Variants in NSMCE1 observed in about 807,000 individuals in gnomAD.
NSMCE1 encodes the protein non-structural maintenance of chromosomes element 1 homolog.
NSMCE1 carries 18 observed loss-of-function variants against 29.6 expected under a neutral mutation model. That is an observed-to-expected ratio of 0.61 (90% confidence interval 0.42 to 0.90). NSMCE1 has a LOEUF of 0.90. NSMCE1 is among the 40% of genes least tolerant of loss of function. NSMCE1 has a pLI of 0.00. For synonymous variants in NSMCE1, 124 were observed against 133.4 expected, an observed-to-expected ratio of 0.93 and a Z score of 0.49; for missense variants, 314 against 343.6, an observed-to-expected ratio of 0.91 and a Z score of 0.68.
In NSMCE1 at chr16:27,225,064, G is replaced by A. The variant is rs1164190226; in HGVS notation, c.*93C>T. 9.7e-6 allele frequency: 7 copies of A among 722,654 alleles called. No individual in the cohort carries two copies. Among genetic ancestry groups the A allele is most frequent in the African/African-American group, 1.8e-5 (1 of 56,800 alleles). The allele number at this position is 722,654 out of a possible 1,614,324, so 44.8% of individuals were successfully genotyped here. On this transcript the variant is annotated 3_prime_UTR_variant, in exon 8 of 8. Transcript: ENST00000361439. ...AACATTAAGACGAAAGAGGTGACTC[G>A]CGTGGAACCTGAAACACGGACGCCT...
intron 5 of NSMCE1, among the ~76,000 whole-genome samples, chr16:27,228,326 A>G (rs74016038): frequency 0.3 from 45,536 of 151,994 alleles, 7,244 homozygotes; most frequent in East Asian, 0.47. Context: ...CCTGCACCGC[A>G]GCTGTTGCTG....
chr16:27,225,152 G>A lies in NSMCE1; in HGVS notation c.*5C>T, dbSNP rs369629311. The A allele has an allele frequency of 4.2e-5, 66 of 1,578,816 alleles. No individual in the cohort carries two copies. The African/African-American group carries it at 6.3e-4, about 15-fold the overall frequency. ...GGCAGCCAGCCCCTCAGCAGGGCAC[G>A]ATGGCTAATGCTGCCTGGACCGCAG... On this transcript the variant is annotated 3_prime_UTR_variant, in exon 8 of 8. Transcript: ENST00000361439.
intron 2 of NSMCE1, among the ~76,000 whole-genome samples, chr16:27,249,659 T>C (rs1372086067): frequency 1.3e-5 from 2 of 152,252 alleles, no homozygotes; most frequent in African/African-American, 4.8e-5. Flanking sequence ...TACCACACTG[T>C]CTTGATAGGA....
intron 2 of NSMCE1, chr16:27,241,823 A>G (rs1369979877): frequency 2.2e-6 from 1 of 454,990 alleles, no homozygotes; most frequent in Non-Finnish European, 4.4e-6. Context: ...TCAGCAACCA[A>G]TGCAGAGGCG....
At chr16:27,245,992 C>T (rs2083952572) in intron 2 of NSMCE1, among the ~76,000 whole-genome samples, 1 of 152,196 alleles carries the variant, frequency 6.6e-6, no homozygotes, top group Admixed American at 6.5e-5. Context: ...ATGTCAACAT[C>T]GCTGATTCAC....
intron 6 of NSMCE1, chr16:27,226,495 C>G (rs532811472): frequency 3.5e-4 from 182 of 524,186 alleles, no homozygotes; most frequent in African/African-American, 3.3e-3. Flanking sequence ...GGCCCTTGGA[C>G]CCCAACAGCA....
At chr16:27,236,576 C>T (rs2083828067) in intron 2 of NSMCE1, among the ~76,000 whole-genome samples, 2 of 152,114 alleles carry the variant, frequency 1.3e-5, no homozygotes, top group Admixed American at 6.5e-5. Flanking sequence ...GGATTATAGG[C>T]GTGAGCCACC....
intron 1 of NSMCE1, among the ~76,000 whole-genome samples, chr16:27,265,556 C>T (rs1483820039): frequency 6.6e-6 from 1 of 152,160 alleles, no homozygotes; most frequent in Admixed American, 6.5e-5. Flanking sequence ...AGGTATATAC[C>T]TTACAGAAAC....
chr16:27,267,371 C>T (rs555998415), intron 1 of NSMCE1, among the ~76,000 whole-genome samples: 15 of 152,152 alleles, frequency 9.9e-5, no homozygotes, highest in Non-Finnish European at 2.2e-4. Context: ...ACCAGAACAA[C>T]CTTATGAGCA....
intron 3 of NSMCE1, 62 bp downstream of exon 3, chr16:27,235,116 G>C: frequency 1.3e-6 from 2 of 1,556,706 alleles, no homozygotes; most frequent in South Asian, 1.2e-5. Context: ...GCAAACACAG[G>C]CTGCCTGGGC....
intron 1 of NSMCE1, among the ~76,000 whole-genome samples, chr16:27,259,047 C>T (rs1055248467): frequency 9.8e-5 from 15 of 152,296 alleles, no homozygotes; most frequent in African/African-American, 3.4e-4. Context: ...CCACGCCCAG[C>T]CAGTGCTGTT....
chr16:27,253,122 C>T (rs540472852), intron 2 of NSMCE1, among the ~76,000 whole-genome samples: 6 of 152,182 alleles, frequency 3.9e-5, no homozygotes, highest in South Asian at 4.1e-4. Flanking sequence ...AAAAAAACCA[C>T]GTAAGTCAAA....
At chr16:27,243,016 C>G (rs1034691697) in intron 2 of NSMCE1, among the ~76,000 whole-genome samples, 3 of 152,206 alleles carry the variant, frequency 2.0e-5, no homozygotes, top group Non-Finnish European at 4.4e-5. Flanking sequence ...CTGATGCCTA[C>G]AGAGGCAGGC....
intron 2 of NSMCE1, among the ~76,000 whole-genome samples, chr16:27,245,821 A>T (rs1392873745): frequency 7.2e-5 from 11 of 152,200 alleles, no homozygotes; most frequent in Non-Finnish European, 1.6e-4. Flanking sequence ...TGGTATGCTG[A>T]TTAACTGTTC....
At chr16:27,237,452 G>A (rs1430279189) in intron 2 of NSMCE1, among the ~76,000 whole-genome samples, 2 of 152,212 alleles carry the variant, frequency 1.3e-5, no homozygotes, top group East Asian at 3.8e-4. Flanking sequence ...GCTGGCGTGG[G>A]AGCCGAGCTG....
chr16:27,247,919 T>G (rs573705932), intron 2 of NSMCE1, among the ~76,000 whole-genome samples: 1 of 149,880 alleles, frequency 6.7e-6, no homozygotes, highest in African/African-American at 2.5e-5. Context: ...AGAGCAAGAC[T>G]CTGTCTCAAA....
chr16:27,258,015 A>C (rs2084106696), intron 1 of NSMCE1: 1 of 152,702 alleles, frequency 6.5e-6, no homozygotes, highest in Non-Finnish European at 1.5e-5. Flanking sequence ...TCTGGGTCTA[A>C]CCCTTGGCTG....
chr16:27,244,642 C>T (rs1036803063), intron 2 of NSMCE1, among the ~76,000 whole-genome samples: 3 of 140,198 alleles, frequency 2.1e-5, no homozygotes, highest in African/African-American at 7.7e-5. Context: ...AGCATCGCCA[C>T]ATATGGCAGC....
At chr16:27,226,924 T>C (rs937945339) in intron 5 of NSMCE1, 88 bp from the exon 6 acceptor site, 2 of 844,392 alleles carry the variant, frequency 2.4e-6, no homozygotes, top group Admixed American at 3.7e-5. Context: ...CACAGCCCAG[T>C]GCTCAGGAAG....
Sources: gnomAD v4.1 joint callset for allele counts (sites outside exome capture counted in the v4.1 genomes callset) on GRCh38, gnomAD v4.1.1 for gene constraint, MANE v1.5 for transcripts, NCBI Gene and HGNC (gene_info 2026-07-23, HGNC 2026-07-21) for gene names.